Variants in CHN2 observed in about 807,000 individuals in gnomAD.
The protein encoded by CHN2 is chimerin 2, also known as beta-chimaerin.
In CHN2, 35 loss-of-function variants were observed where a neutral mutation model predicts 56.3. The ratio of observed to expected loss-of-function variants is 0.62; its 90% CI spans 0.47 to 0.82. The LOEUF is 0.82. Ranked by LOEUF, CHN2 falls within the 40% of genes least tolerant of loss-of-function variation. CHN2 has a pLI of 0.00. For synonymous variants in CHN2, 210 were observed against 212.8 expected (o/e 0.99, Z 0.12); for missense variants, 491 against 580.5 (o/e 0.85, Z 1.58).
chr7:29,229,775 C>G (rs1272369593), intron 1 of CHN2, among the ~76,000 whole-genome samples: 1 of 152,116 alleles, frequency 6.6e-6, no homozygotes, highest in Non-Finnish European at 1.5e-5. Flanking sequence ...CCCAGAGGTT[C>G]AAGACCAGCC....
chr7:29,409,173 C>T (rs956931707), intron 6 of CHN2, among the ~76,000 whole-genome samples: 1 of 152,108 alleles, frequency 6.6e-6, no homozygotes, highest in East Asian at 1.9e-4. Context: ...GGGCCTAGGA[C>T]TTGTAAAAAT....
intron 1 of CHN2, among the ~76,000 whole-genome samples, chr7:29,345,466 A>G (rs1238713172): frequency 6.6e-6 from 1 of 152,178 alleles, no homozygotes; most frequent in Non-Finnish European, 1.5e-5. Flanking sequence ...CTGAGATCCC[A>G]TGATAAGGAA....
chr7:29,268,631 C>T (rs1455754360), intron 1 of CHN2, among the ~76,000 whole-genome samples: 3 of 152,180 alleles, frequency 2.0e-5, no homozygotes, highest in African/African-American at 7.2e-5. Context: ...GGATAATTGA[C>T]AGCTGCCAGC....
chr7:29,378,425 C>G (rs879477131), intron 3 of CHN2, among the ~76,000 whole-genome samples: 1 of 152,212 alleles, frequency 6.6e-6, no homozygotes, highest in African/African-American at 2.4e-5. Context: ...AATGGACTCT[C>G]ATGCTTTTTC....
rs190840910 is a variant in CHN2 at position 29,326,938 on chromosome 7, A to G, written c.50-27687A>G. ...TTAACCCTTAAATTAATCCTATAGG[A>G]TAGATGTTATTCTATCCCATTTTAC... On this transcript the variant is annotated intron_variant, in intron 1 of 12. Coordinates refer to ENST00000222792, the MANE Select transcript of CHN2 (RefSeq NM_004067.4). 2.9e-4 allele frequency among the ~76,000 whole-genome samples: 44 copies of G among 152,336 alleles called. 2 individuals carry two copies. In the East Asian group the frequency reaches 4.6e-3, roughly 16 times the overall value.
intron 1 of CHN2, among the ~76,000 whole-genome samples, chr7:29,348,673 G>A (rs1267943547): frequency 6.6e-6 from 1 of 152,136 alleles, no homozygotes; most frequent in Non-Finnish European, 1.5e-5. Flanking sequence ...TGTACATGCT[G>A]TGTGTGTTAT....
intron 1 of CHN2, among the ~76,000 whole-genome samples, chr7:29,242,740 C>A: frequency 1.4e-5 from 1 of 71,300 alleles, no homozygotes; most frequent in South Asian, 3.9e-4. Context: ...GAAAAATATA[C>A]AGAACTGACT....
intron 2 of CHN2, among the ~76,000 whole-genome samples, chr7:29,360,469 G>A (rs1798650140): frequency 6.6e-6 from 1 of 152,148 alleles, no homozygotes; most frequent in Non-Finnish European, 1.5e-5. Context: ...GTGGTTAGCC[G>A]AGATCATGCC....
Position 29,461,734 on chromosome 7 carries a change from A to T in CHN2, c.577-18545A>T, listed in dbSNP as rs117849639. Reference sequence around the variant, plus strand: ...ATTTCACTCTGGATGCCCAGAGCCTAATACAGAACCTGACACATAGGAATT... The same window carrying T: ...ATTTCACTCTGGATGCCCAGAGCCTTATACAGAACCTGACACATAGGAATT... On this transcript the variant is annotated intron_variant, in intron 6 of 12. Transcript: ENST00000222792. Among the ~76,000 whole-genome samples, 887 of 152,276 alleles carry T rather than the reference A, an allele frequency of 5.8e-3. 10 individuals are homozygous for T. Among genetic ancestry groups the T allele is most frequent in the Non-Finnish European group, 8.6e-3 (588 of 68,024 alleles).
At chr7:29,157,541 T>G (rs1392388126) in intron 2 of CHN2, among the ~76,000 whole-genome samples, 1 of 152,216 alleles carries the variant, frequency 6.6e-6, no homozygotes, top group Non-Finnish European at 1.5e-5. Context: ...TTCAGACTGA[T>G]GCACAACTAC....
At chr7:29,241,089 T>A (rs1787638514) in intron 1 of CHN2, among the ~76,000 whole-genome samples, 1 of 152,130 alleles carries the variant, frequency 6.6e-6, no homozygotes, top group African/African-American at 2.4e-5. Context: ...TTTCACCATG[T>A]TGGCCAGGCT....
intron 1 of CHN2, among the ~76,000 whole-genome samples, chr7:29,216,989 G>T (rs1314820916): frequency 6.6e-6 from 1 of 152,162 alleles, no homozygotes; most frequent in African/African-American, 2.4e-5. Flanking sequence ...TGTACTAACA[G>T]TACTTATTAG....
chr7:29,440,457 G>A (rs1208100347), intron 6 of CHN2, among the ~76,000 whole-genome samples: 1 of 151,952 alleles, frequency 6.6e-6, no homozygotes, highest in Non-Finnish European at 1.5e-5. Context: ...TTGGGAGGCC[G>A]AGGCGGGTGG....
rs557892947 is a variant in CHN2, at chr7:29,408,778, G to T, written c.576+7950G>T. Among the ~76,000 whole-genome samples, 82 of 152,186 alleles carry T rather than the reference G, an allele frequency of 5.4e-4. 1 individual carries two copies. In the Middle Eastern group the frequency reaches 0.01, roughly 19 times the overall value. On this transcript the variant is annotated intron_variant, in intron 6 of 12. Coordinates refer to ENST00000222792, the MANE Select transcript of CHN2 (RefSeq NM_004067.4). ...CTCTTTTTACCAGTTCCTCAATATC[G>T]GTGTTTTCAAAGAGGAACGGAAGAG...
chr7:29,500,021 T>C lies in CHN2; in HGVS notation c.894T>C (p.Ile298=). The part of the protein sequence containing the change: ...TQRPMVVDIC[I]REIEARGLKS... Reference sequence around the variant, plus strand: ...GACCCATGGTGGTAGACATATGCATTCGGGAAATTGAAGCAAGAGGTTTGG... The same window carrying C: ...GACCCATGGTGGTAGACATATGCATCCGGGAAATTGAAGCAAGAGGTTTGG... Residue 298 remains isoleucine (I), a synonymous_variant, in exon 9 of 13, where the codon ATT becomes ATC. Transcript: ENST00000222792. The C allele has an allele frequency of 1.3e-6, 2 of 1,550,200 alleles. No homozygotes were observed. The highest frequency in any genetic ancestry group is 1.7e-6 in the Non-Finnish European group (2 of 1,147,720).
At chr7:29,481,728 T>G (rs1787271642) in intron 7 of CHN2, among the ~76,000 whole-genome samples, 1 of 151,586 alleles carries the variant, frequency 6.6e-6, no homozygotes, top group Non-Finnish European at 1.5e-5. Context: ...TAAGAAAGTG[T>G]TTTTTTGATT....
At position 29,336,717 on chromosome 7, in the gene CHN2, G is replaced by A. The variant is rs533038343; in HGVS notation, c.50-17908G>A. Among the ~76,000 whole-genome samples, 16 of 123,258 alleles carry A rather than the reference G, an allele frequency of 1.3e-4. 1 individual carries two copies. The South Asian group carries it at 3.5e-3, about 27-fold the overall frequency. 80.9% of individuals were successfully genotyped at this position (123,258 alleles called of 152,430 possible). ...TGAGTTTACAATGAACCATGATTGT[G>A]CCACTGTACTCCAGCCTGAGTAACA... On this transcript the variant is annotated intron_variant, in intron 1 of 12. Coordinates refer to ENST00000222792, the MANE Select transcript of CHN2 (RefSeq NM_004067.4).
intron 6 of CHN2, among the ~76,000 whole-genome samples, chr7:29,403,479 G>A (rs193048955): frequency 6.6e-6 from 1 of 152,100 alleles, no homozygotes; most frequent in Non-Finnish European, 1.5e-5. Context: ...TTTATTGATC[G>A]TTTCCAAATG....
intron 6 of CHN2, among the ~76,000 whole-genome samples, chr7:29,450,650 A>G (rs1048313810): frequency 6.6e-6 from 1 of 152,268 alleles, no homozygotes; most frequent in African/African-American, 2.4e-5. Context: ...TCTGGCCTCC[A>G]GAACTGTATG....
Sources: allele counts gnomAD v4.1 joint callset (sites outside exome capture counted in the v4.1 genomes callset), GRCh38; gene constraint gnomAD v4.1.1; transcripts MANE v1.5; gene names NCBI Gene and HGNC (gene_info 2026-07-23, HGNC 2026-07-21).